Variants in CUL4A observed in about 807,000 individuals in gnomAD.
CUL4A encodes the protein cullin-4A.
A neutral mutation model predicts 95.5 loss-of-function variants in CUL4A; 16 were observed. The ratio of observed to expected loss-of-function variants is 0.17; its 90% confidence interval spans 0.11 to 0.25. The LOEUF (loss-of-function observed/expected upper bound fraction) is 0.25, where lower values mean the gene tolerates loss of function less well. Ranked by LOEUF, CUL4A falls within the 10% of genes least tolerant of loss-of-function variation. The probability of loss-of-function intolerance (pLI) is 1.00; values close to 1 mark genes in which losing one functional copy is unlikely to be tolerated. For missense variants in CUL4A, 610 were observed against 937.0 expected (o/e 0.65, Z 4.56); for synonymous variants, 380 against 353.1 (o/e 1.08, Z -0.85).
At chr13:113,256,580 T>C (rs951144588) in intron 18 of CUL4A, among the ~76,000 whole-genome samples, 2 of 152,208 alleles carry the variant, frequency 1.3e-5, no homozygotes, top group South Asian at 4.1e-4. Flanking sequence ...GATAGTTTGT[T>C]GCAGTTTTCA....
In CUL4A at chr13:113,266,840, G is replaced by A. The variant is rs2042403690; in HGVS notation, c.*3258G>A. On this transcript the variant is annotated 3_prime_UTR_variant, in exon 20 of 20. Transcript: ENST00000375440. ...TACGTGTAAAAAAATACATATATAT[G>A]AAACCATAATCATAAGATACTTTTT... The A allele has an allele frequency of 6.6e-6, 1 of 152,110 alleles. No homozygotes were observed. Among genetic ancestry groups the A allele is most frequent in the Non-Finnish European group, 1.5e-5 (1 of 68,026 alleles). 9.4% of individuals were successfully genotyped at this position (152,110 alleles called of 1,614,324 possible). A position where few individuals can be genotyped will look rare whatever the true frequency, so the allele number is the denominator to read the frequency against.
chr13:113,209,967 C>T lies in CUL4A; in HGVS notation c.149-6C>T, dbSNP rs1434950752. ...CTGAGCCGCCCGCTCTCCCTCCGCC[C>T]TGCAGACAGACCTCGGCTGCCCGAC... On this transcript the variant is annotated splice_region_variant and splice_polypyrimidine_tract_variant and intron_variant, in intron 1 of 19. Transcript: ENST00000375440. The T allele has an allele frequency of 2.7e-6, 4 of 1,503,480 alleles. No individual in the cohort carries two copies. The highest frequency in any genetic ancestry group is 3.5e-6 in the Non-Finnish European group (4 of 1,127,652). 93.1% of individuals were successfully genotyped at this position (1,503,480 alleles called of 1,614,324 possible). A position where few individuals can be genotyped will look rare whatever the true frequency, so the allele number is the denominator to read the frequency against.
intron 7 of CUL4A, 86 bp downstream of exon 7, chr13:113,234,072 A>G: frequency 2.7e-6 from 2 of 731,760 alleles, no homozygotes; most frequent in Non-Finnish European, 4.7e-6. Flanking sequence ...TTGCCTTTTC[A>G]CACACATGCA....
At position 113,239,540 on chromosome 13, in the gene CUL4A, G is replaced by A. The variant is rs753752441; in HGVS notation, c.1024G>A (p.Glu342Lys). 3 of 1,611,844 alleles carry A rather than the reference G, an allele frequency of 1.9e-6. No individual in the cohort carries two copies. The highest frequency in any genetic ancestry group is 1.3e-5 in the African/African-American group (1 of 74,984). ...GCAGGCGCTGCTGCAGCACTGGAGC[G>A]AGTACATCAAGGTACTGGCGGGGTT... Reference protein sequence around the residue: ...GQQALLQHWSEYIKTFGTAIV... With the variant: ...GQQALLQHWSKYIKTFGTAIV... The change falls in exon 10 of 20, where the codon GAG becomes AAG. Residue 342 changes from glutamate (E) to lysine (K), a missense_variant. By Grantham distance (56) the Glu-to-Lys change is moderately conservative. Around this residue, in one of 10 missense-constraint regions of CUL4A, gnomAD observed 153 missense variants for 244.5 expected, o/e 0.63. Transcript: ENST00000375440.
At chr13:113,258,284 C>T (rs192856155) in intron 18 of CUL4A, among the ~76,000 whole-genome samples, 129 of 152,288 alleles carry the variant, frequency 8.5e-4, no homozygotes, top group Middle Eastern at 3.4e-3. Flanking sequence ...AGCCACCGTG[C>T]CCGGCACCAG....
At chr13:113,209,186 CGAGCCCTCAGGAGGCGCGCGCCCCG>C (rs1396213282), upstream of CUL4A, among the ~76,000 whole-genome samples, 2 of 149,264 alleles carry the variant, frequency 1.3e-5, no homozygotes, top group Non-Finnish European at 3.0e-5. Context: ...GTGGGGGTGC[CGAGCCCTCAGGAGGCGCGCGCCCCG>C]GGGCCCTCAG....
chr13:113,235,980 A>G (rs556069440), intron 8 of CUL4A, among the ~76,000 whole-genome samples: 1 of 152,118 alleles, frequency 6.6e-6, no homozygotes, highest in Admixed American at 6.5e-5. Flanking sequence ...CAAAAAAAAA[A>G]AAAAAAGAAA....
rs142677229 is a variant in CUL4A at position 113,254,760 on chromosome 13, G to A, written c.1820G>A (p.Gly607Asp). Residue 607 changes from glycine (G) to aspartate (D), a missense_variant, in exon 17 of 20, where the codon GGC (glycine) becomes GAC (aspartate). Gly to Asp is a moderately conservative substitution (Grantham distance 94). Around this residue, in one of 10 missense-constraint regions of CUL4A, gnomAD observed 72 missense variants for 93.2 expected, o/e 0.77. Transcript: ENST00000375440. ...LVLLMFNEGD[G>D]FSFEEIKMAT... ...CTCCTCATGTTCAACGAGGGAGATG[G>A]CTTCAGCTTTGAGGAGATAAAAATG... 1 of 1,613,612 alleles carries A rather than the reference G, an allele frequency of 6.2e-7. No homozygotes were observed. The highest frequency in any genetic ancestry group is 8.5e-7 in the Non-Finnish European group (1 of 1,179,876).
rs760479244 is a variant in CUL4A, at chr13:113,244,441, C to G, written c.1260C>G (p.Gly420=). 7.4e-6 allele frequency: 12 copies of G among 1,613,630 alleles called. No individual in the cohort carries two copies. In the Admixed American group the frequency reaches 1.5e-4, roughly 20 times the overall value. Residue 420 remains glycine, a synonymous_variant, in exon 12 of 20, where the codon GGC becomes GGG. Coordinates refer to ENST00000375440, the MANE Select transcript of CUL4A (RefSeq NM_001008895.4). ...AKHVDSKLRA[G]NKEATDEELE... is the part of the protein sequence containing the mutation. Reference sequence around the variant, plus strand: ...ATGTGGATTCAAAGTTAAGAGCAGGCAACAAAGAAGCCACAGACGAGGAGC... The same window carrying G: ...ATGTGGATTCAAAGTTAAGAGCAGGGAACAAAGAAGCCACAGACGAGGAGC...
In CUL4A at chr13:113,265,048, A is replaced by G. The variant is rs2139326373; in HGVS notation, c.*1466A>G. ...AATTAGTTTAATTGGCCTTAAAATT[A>G]CATTAATAAAACTTTGTGATATGCA... On this transcript the variant is annotated 3_prime_UTR_variant, in exon 20 of 20. Transcript: ENST00000375440. 1 of 152,378 alleles carries G rather than the reference A, an allele frequency of 6.6e-6. No homozygotes were observed. Among genetic ancestry groups the G allele is most frequent in the East Asian group, 1.9e-4 (1 of 5,190 alleles). The allele number at this position is 152,378 out of a possible 1,614,324, so 9.4% of individuals were successfully genotyped here.
intron 10 of CUL4A, 89 bp from the exon 11 acceptor site, chr13:113,242,879 T>C (rs769212700): frequency 7.8e-6 from 8 of 1,026,700 alleles, no homozygotes; most frequent in Non-Finnish European, 1.1e-5. Context: ...GTAATTTATG[T>C]TAAACTATCC....
At chr13:113,238,041 T>C (rs2041601304) in intron 9 of CUL4A, among the ~76,000 whole-genome samples, 2 of 152,220 alleles carry the variant, frequency 1.3e-5, no homozygotes, top group Admixed American at 1.3e-4. Context: ...CTGGTTATGA[T>C]GTTTCTGCTT....
At position 113,254,943 on chromosome 13, in the gene CUL4A, T is replaced by A; in HGVS notation, c.1859-10T>A. On this transcript the variant is annotated splice_polypyrimidine_tract_variant and intron_variant, in intron 17 of 19. Coordinates refer to ENST00000375440, the MANE Select transcript of CUL4A (RefSeq NM_001008895.4). ...ACGCCAGCCTTTGCCTGCATTTGCT[T>A]CCCATTCAGAGGATAGTGAATTGCG... 1 of 1,608,236 alleles carries A rather than the reference T, an allele frequency of 6.2e-7. No homozygotes were observed. Among genetic ancestry groups the A allele is most frequent in the Non-Finnish European group, 8.5e-7 (1 of 1,177,002 alleles).
At position 113,255,441 on chromosome 13, in the gene CUL4A, G is replaced by A. The variant is rs560820175; in HGVS notation, c.2031+316G>A. ...TTCTATGGTAATAGAATCTGATATG[G>A]TTCACTCTTGGTGTTGTACATTCTG... is the stretch of plus-strand genomic sequence containing the variant. On this transcript the variant is annotated intron_variant, in intron 18 of 19. Coordinates refer to ENST00000375440, the MANE Select transcript of CUL4A (RefSeq NM_001008895.4). Among the ~76,000 whole-genome samples the A allele has an allele frequency of 5.9e-5, 9 of 152,180 alleles. No individual in the cohort carries two copies. The East Asian group carries it at 1.4e-3, about 23-fold the overall frequency.
chr13:113,229,029 G>A (rs1184727930), intron 4 of CUL4A, among the ~76,000 whole-genome samples: 2 of 152,072 alleles, frequency 1.3e-5, no homozygotes, highest in Admixed American at 1.3e-4. Flanking sequence ...TCGGGAGGCT[G>A]AGGCAGGAGA....
At chr13:113,257,017 C>CGGGTT (rs2042146773) in intron 18 of CUL4A, among the ~76,000 whole-genome samples, 1 of 148,858 alleles carries the variant, frequency 6.7e-6, no homozygotes, top group Non-Finnish European at 1.5e-5. Flanking sequence ...CTCCGTCCTC[C>CGGGTT]GGGTTCAAGC....
chr13:113,232,484 C>T (rs899751882), intron 5 of CUL4A, among the ~76,000 whole-genome samples: 1 of 152,166 alleles, frequency 6.6e-6, no homozygotes, highest in East Asian at 1.9e-4. Context: ...GGCTGGAGCC[C>T]AGCATCTGTA....
At chr13:113,209,561 G>T (rs1240492266), upstream of CUL4A, 1 of 908,388 alleles carries the variant, frequency 1.1e-6, no homozygotes, top group East Asian at 1.2e-4. Context: ...GCGCGGACCG[G>T]GGCGGGCGGA....
rs768419010 is a variant in CUL4A, at chr13:113,210,057, C to T, written c.233C>T (p.Ser78Phe). ...GTGCGGGCCGTGCAGAGCAGCACCT[C>T]CATCAGGTACAACCTCGAGGAGCTC... is the stretch of plus-strand genomic sequence containing the variant. ...EAVRAVQSST[S>F]IRYNLEELYQ... is the part of the protein sequence containing the mutation. The change falls in exon 2 of 20, where the codon TCC becomes TTC. Residue 78 changes from serine (S) to phenylalanine (F), a missense_variant. This residue lies in a region of CUL4A where 168 missense variants were observed against 185.5 expected (regional missense o/e 0.91). Coordinates refer to ENST00000375440, the MANE Select transcript of CUL4A (RefSeq NM_001008895.4). 1.8e-5 allele frequency: 28 copies of T among 1,518,432 alleles called. No homozygotes were observed. The South Asian group carries it at 2.7e-4, about 15-fold the overall frequency. The allele number at this position is 1,518,432 out of a possible 1,614,324, so 94.1% of individuals were successfully genotyped here. A position where few individuals can be genotyped will look rare whatever the true frequency, so the allele number is the denominator to read the frequency against.
Sources: allele counts gnomAD v4.1 joint callset (sites outside exome capture counted in the v4.1 genomes callset), GRCh38; gene constraint gnomAD v4.1.1; regional missense constraint gnomAD v4.1.1; transcripts MANE v1.5; gene names NCBI Gene and HGNC (gene_info 2026-07-23, HGNC 2026-07-21).